GUCY1A2: variants seen among roughly 807,000 people sequenced by gnomAD.
GUCY1A2 encodes the protein guanylate cyclase soluble subunit alpha-2.
Under a neutral mutation model 63.5 loss-of-function variants are expected in GUCY1A2, and 27 were observed. The ratio of observed to expected loss-of-function variants is 0.43; its 90% CI spans 0.31 to 0.59. GUCY1A2 has a LOEUF of 0.59. Among genes scored for constraint, GUCY1A2 ranks in the 20% least tolerant of loss-of-function variants. GUCY1A2 has a pLI of 0.11. For missense variants in GUCY1A2, 768 were observed against 913.3 expected (o/e 0.84, Z 2.05); for synonymous variants, 364 against 343.5 (o/e 1.06, Z -0.66).
At chr11:106,919,980 G>A (rs1462001067) in intron 4 of GUCY1A2, among the ~76,000 whole-genome samples, 1 of 152,066 alleles carries the variant, frequency 6.6e-6, no homozygotes, top group Admixed American at 6.6e-5. Context: ...AAATTGAGAT[G>A]CGCTAAACCA....
chr11:106,903,514 G>C (rs1860162523), intron 4 of GUCY1A2, among the ~76,000 whole-genome samples: 1 of 152,126 alleles, frequency 6.6e-6, no homozygotes, highest in South Asian at 2.1e-4. Flanking sequence ...CCACTTTAAG[G>C]CATCATAGTC....
intron 3 of GUCY1A2, among the ~76,000 whole-genome samples, chr11:106,966,457 T>A (rs1861128153): frequency 6.6e-6 from 1 of 152,176 alleles, no homozygotes; most frequent in Admixed American, 6.5e-5. Context: ...AGTTTTCGTA[T>A]TTGTTACTTG....
chr11:106,979,116 A>G lies in GUCY1A2; in HGVS notation c.366-376T>C, dbSNP rs527558063. 3.3e-5 allele frequency among the ~76,000 whole-genome samples: 5 copies of G among 152,334 alleles called. No homozygotes were observed. The East Asian group carries it at 5.8e-4, about 18-fold the overall frequency. On this transcript the variant is annotated intron_variant, in intron 2 of 7. Coordinates refer to ENST00000526355, the MANE Select transcript of GUCY1A2 (RefSeq NM_000855.3). ...TGTTAATTTGGTGTCCTGGCATTCA[A>G]TGGTGTTGAAAGTAAACACACCATA...
intron 4 of GUCY1A2, among the ~76,000 whole-genome samples, chr11:106,871,468 T>C (rs1859677102): frequency 6.6e-6 from 1 of 152,124 alleles, no homozygotes; most frequent in African/African-American, 2.4e-5. Flanking sequence ...ACTTCCAGTA[T>C]TGTCAGCAAT....
intron 3 of GUCY1A2, among the ~76,000 whole-genome samples, chr11:106,946,815 T>C (rs1860835455): frequency 6.6e-6 from 1 of 152,224 alleles, no homozygotes; most frequent in Non-Finnish European, 1.5e-5. Context: ...TTTGTGAATA[T>C]ATTAACAACC....
Position 106,687,498 on chromosome 11 carries a change from C to A in GUCY1A2, c.*51G>T. 7.4e-7 allele frequency: 1 copy of A among 1,347,552 alleles called. No individual in the cohort carries two copies. The highest frequency in any genetic ancestry group is 1.2e-5 in the South Asian group (1 of 85,404). 83.5% of individuals were successfully genotyped at this position (1,347,552 alleles called of 1,614,324 possible). On this transcript the variant is annotated 3_prime_UTR_variant, in exon 8 of 8. Coordinates refer to ENST00000526355, the MANE Select transcript of GUCY1A2 (RefSeq NM_000855.3). ...TCTCTTTCCACCCCCCATTGGTGACCCATGTTCTGGGCTTGTGCTTTTTGG... is the reference window on the plus strand; with the variant it reads ...TCTCTTTCCACCCCCCATTGGTGACACATGTTCTGGGCTTGTGCTTTTTGG...
intron 5 of GUCY1A2, among the ~76,000 whole-genome samples, chr11:106,784,517 G>A (rs1216996387): frequency 6.6e-6 from 1 of 152,036 alleles, no homozygotes; most frequent in Non-Finnish European, 1.5e-5. Context: ...TGAGGAAAAA[G>A]GGGCTCCACC....
intron 4 of GUCY1A2, among the ~76,000 whole-genome samples, chr11:106,937,461 C>A (rs1860695419): frequency 6.6e-6 from 1 of 151,940 alleles, no homozygotes; most frequent in Non-Finnish European, 1.5e-5. Context: ...ATATATAAAG[C>A]AACAACATTG....
intron 3 of GUCY1A2, among the ~76,000 whole-genome samples, chr11:106,967,149 TC>T: frequency 6.6e-6 from 1 of 152,262 alleles, no homozygotes; most frequent in Admixed American, 6.5e-5. Context: ...AGAGTCAGGA[TC>T]ATTTGTCACT....
intron 7 of GUCY1A2, among the ~76,000 whole-genome samples, chr11:106,702,567 A>C (rs940273089): frequency 6.6e-6 from 1 of 152,162 alleles, no homozygotes; most frequent in African/African-American, 2.4e-5. Context: ...ATATAGAAAT[A>C]TCATTCAGTC....
chr11:106,788,203 A>G (rs1186888362), intron 5 of GUCY1A2, among the ~76,000 whole-genome samples: 2 of 151,104 alleles, frequency 1.3e-5, no homozygotes, highest in African/African-American at 4.9e-5. Context: ...ATCTACTCAG[A>G]CCTTTTGTCC....
chr11:106,968,396 A>C (rs1432849234), intron 3 of GUCY1A2, among the ~76,000 whole-genome samples: 1 of 152,160 alleles, frequency 6.6e-6, no homozygotes, highest in African/African-American at 2.4e-5. Context: ...TTTCCCTAGG[A>C]AGAATAAAAG....
rs749996881 is a variant in GUCY1A2, at chr11:106,746,123, TGGGGAG to T, written c.1836+30310_1836+30315del. Among the ~76,000 whole-genome samples the T allele has an allele frequency of 9.5e-3, 1,444 of 152,206 alleles. 10 individuals carry two copies. The highest frequency in any genetic ancestry group is 0.014 in the Non-Finnish European group (982 of 68,028). ...GCCATGAATGAAAGCCACTGGAATC[TGGGGAG>T]CATATCAGTGGCTAGCACCCAAGAG... On this transcript the variant is annotated intron_variant, in intron 6 of 7. Transcript: ENST00000526355.
intron 1 of GUCY1A2, among the ~76,000 whole-genome samples, chr11:106,996,649 A>C (rs1861543415): frequency 1.3e-5 from 2 of 152,172 alleles, no homozygotes; most frequent in Non-Finnish European, 2.9e-5. Flanking sequence ...ATGTCAACCA[A>C]AGTGCCATGG....
At chr11:106,768,175 G>A (rs1197553208) in intron 6 of GUCY1A2, among the ~76,000 whole-genome samples, 2 of 152,002 alleles carry the variant, frequency 1.3e-5, no homozygotes, top group Non-Finnish European at 2.9e-5. Context: ...TCTAGATAAG[G>A]TATTGTTATG....
At chr11:106,766,023 A>G (rs1864156220) in intron 6 of GUCY1A2, among the ~76,000 whole-genome samples, 3 of 152,174 alleles carry the variant, frequency 2.0e-5, no homozygotes, top group African/African-American at 7.2e-5. Context: ...CAATTCAGCC[A>G]TTAGGAAAAA....
chr11:106,960,939 T>C (rs529667617), intron 3 of GUCY1A2, among the ~76,000 whole-genome samples: 32 of 152,028 alleles, frequency 2.1e-4, no homozygotes, highest in African/African-American at 7.7e-4. Flanking sequence ...TTAGACGATA[T>C]TAGTGAAAAT....
intron 5 of GUCY1A2, among the ~76,000 whole-genome samples, chr11:106,786,086 G>T (rs1864551255): frequency 6.6e-6 from 1 of 152,088 alleles, no homozygotes; most frequent in South Asian, 2.1e-4. Flanking sequence ...CACATGCTGA[G>T]AATCTGGCAC....
intron 4 of GUCY1A2, among the ~76,000 whole-genome samples, chr11:106,839,127 G>C (rs1373413922): frequency 6.6e-6 from 1 of 150,704 alleles, no homozygotes; most frequent in Non-Finnish European, 1.5e-5. Context: ...TTTAAGTCTT[G>C]AATCCATCTT....
Sources: allele counts gnomAD v4.1 joint callset (sites outside exome capture counted in the v4.1 genomes callset), GRCh38; gene constraint gnomAD v4.1.1; transcripts MANE v1.5; gene names NCBI Gene and HGNC (gene_info 2026-07-23, HGNC 2026-07-21).